OR51B5: variants seen among roughly 807,000 people sequenced by gnomAD.
OR51B5 encodes olfactory receptor family 51 subfamily B member 5.
For missense variants in OR51B5, 456 were observed against 374.6 expected, an observed-to-expected ratio of 1.22 and a Z score of -1.79; for synonymous variants, 186 against 144.8, an observed-to-expected ratio of 1.28 and a Z score of -2.04.
At chr11:5,357,119 C>T (rs554345613) in intron 1 of OR51B5, among the ~76,000 whole-genome samples, 1 of 152,004 alleles carries the variant, frequency 6.6e-6, no homozygotes, top group Non-Finnish European at 1.5e-5. Flanking sequence ...CAAATTCACA[C>T]ATAACAATAT....
chr11:5,343,490 A>AAT lies in OR51B5; in HGVS notation c.33_34dup (p.Leu12TyrfsTer2). ...TTCCTCCAAGCCTGGAAAACCAGTC[A>AAT]ATAGGAAGGGATGGGAGCTGCCGCT... On this transcript the variant is annotated frameshift_variant, in exon 1 of 1. Coordinates refer to ENST00000300773, the Ensembl canonical transcript of OR51B5. LOFTEE classifies it low-confidence loss of function (END_TRUNC). The AAT allele has an allele frequency of 4.6e-6, 6 of 1,313,112 alleles. No individual in the cohort carries two copies. In the South Asian group the frequency reaches 7.4e-5, roughly 16 times the overall value. The allele number at this position is 1,313,112 out of a possible 1,614,324, so 81.3% of individuals were successfully genotyped here. A position where few individuals can be genotyped will look rare whatever the true frequency, so the allele number is the denominator to read the frequency against.
chr11:5,356,185 A>AG (rs1439647842), intron 1 of OR51B5, among the ~76,000 whole-genome samples: 1 of 152,190 alleles, frequency 6.6e-6, no homozygotes, highest in Non-Finnish European at 1.5e-5. Flanking sequence ...TCCGAGCTAA[A>AG]GGAGGAAGCT....
intron 1 of OR51B5, among the ~76,000 whole-genome samples, chr11:5,398,231 C>T (rs1306594867): frequency 6.6e-6 from 1 of 152,076 alleles, no homozygotes; most frequent in East Asian, 1.9e-4. Flanking sequence ...AAGAAATTTA[C>T]ATATATTAGT....
intron 1 of OR51B5, among the ~76,000 whole-genome samples, chr11:5,500,841 A>G (rs1421056519): frequency 1.4e-5 from 2 of 148,002 alleles, no homozygotes; most frequent in East Asian, 2.0e-4. Flanking sequence ...GAATATGCCT[A>G]TGATCTGTCA....
chr11:5,379,507 GTTTAT>G (rs1849578715), intron 1 of OR51B5, among the ~76,000 whole-genome samples: 1 of 151,506 alleles, frequency 6.6e-6, no homozygotes, highest in African/African-American at 2.4e-5. Flanking sequence ...TAAAGTTCCA[GTTTAT>G]TTTTTCAGGT....
intron 1 of OR51B5, among the ~76,000 whole-genome samples, chr11:5,436,926 C>A (rs912653947): frequency 3.3e-5 from 5 of 152,098 alleles, no homozygotes; most frequent in Non-Finnish European, 7.4e-5. Context: ...CTAGAATGGA[C>A]CTCAGGTGGG....
At chr11:5,357,109 C>G (rs1849205779) in intron 1 of OR51B5, among the ~76,000 whole-genome samples, 1 of 151,978 alleles carries the variant, frequency 6.6e-6, no homozygotes, top group African/African-American at 2.4e-5. Context: ...ATGACAGGAT[C>G]AAATTCACAC....
intron 1 of OR51B5, among the ~76,000 whole-genome samples, chr11:5,375,794 C>G (rs572234874): frequency 2.0e-5 from 3 of 152,236 alleles, no homozygotes; most frequent in South Asian, 2.1e-4. Context: ...AATACAGGAG[C>G]ACCCAGATTC....
At chr11:5,482,507 G>A (rs1303153961) in intron 1 of OR51B5, among the ~76,000 whole-genome samples, 2 of 108,116 alleles carry the variant, frequency 1.8e-5, no homozygotes, top group African/African-American at 8.1e-5. Context: ...TTGACAAATG[G>A]GATCTAATTA....
At chr11:5,387,441 A>G (rs1849713215) in intron 1 of OR51B5, among the ~76,000 whole-genome samples, 1 of 152,146 alleles carries the variant, frequency 6.6e-6, no homozygotes, top group African/African-American at 2.4e-5. Flanking sequence ...AAGAAATGGA[A>G]AAGATAAATG....
chr11:5,415,963 G>C (rs1369277697), intron 1 of OR51B5, among the ~76,000 whole-genome samples: 2 of 144,696 alleles, frequency 1.4e-5, no homozygotes, highest in Non-Finnish European at 3.0e-5. Context: ...GCCGGGCAGA[G>C]ACACAACCAA....
chr11:5,421,139 C>T (rs1381712468), intron 1 of OR51B5, among the ~76,000 whole-genome samples: 1 of 152,242 alleles, frequency 6.6e-6, no homozygotes, highest in Admixed American at 6.5e-5. Context: ...ACACCAGGGG[C>T]AGCAAAGGCT....
At chr11:5,481,126 C>A (rs1275065945) in intron 1 of OR51B5, among the ~76,000 whole-genome samples, 2 of 59,358 alleles carry the variant, frequency 3.4e-5, no homozygotes, top group East Asian at 9.2e-4. Flanking sequence ...ACTGGCAAAA[C>A]GAATCCAGCA....
At chr11:5,364,177 G>A (rs572762558) in intron 1 of OR51B5, among the ~76,000 whole-genome samples, 6 of 152,230 alleles carry the variant, frequency 3.9e-5, no homozygotes, top group African/African-American at 1.4e-4. Flanking sequence ...CCACCTAAGG[G>A]CAAAATATTT....
chr11:5,419,444 G>GA (rs916259000), intron 1 of OR51B5, among the ~76,000 whole-genome samples: 7 of 150,902 alleles, frequency 4.6e-5, no homozygotes, highest in Admixed American at 1.3e-4. Flanking sequence ...AAAAGTATTG[G>GA]AAAAAAAACT....
intron 1 of OR51B5, among the ~76,000 whole-genome samples, chr11:5,376,357 G>A (rs773721354): frequency 6.1e-4 from 93 of 152,226 alleles, no homozygotes; most frequent in Non-Finnish European, 1.2e-3. Context: ...ACAAGAGAAA[G>A]CAAGAAAGAT....
At chr11:5,343,051 G>A (rs1848924959) in exon 1 of OR51B5, 4 of 1,613,434 alleles carry the variant, frequency 2.5e-6, no homozygotes, top group African/African-American at 1.3e-5. Flanking sequence ...AGAGGGGCCT[G>A]ATTGGGGGAA....
chr11:5,434,682 G>A (rs1850570226), intron 1 of OR51B5, among the ~76,000 whole-genome samples: 1 of 152,152 alleles, frequency 6.6e-6, no homozygotes. Flanking sequence ...CAACGTCAAG[G>A]AGACCATAGC....
intron 1 of OR51B5, among the ~76,000 whole-genome samples, chr11:5,502,012 CCTTT>C (rs1846299884): frequency 6.6e-6 from 1 of 152,034 alleles, no homozygotes; most frequent in South Asian, 2.1e-4. Flanking sequence ...TGAATTTCTC[CCTTT>C]CTTTAATCTT....
Sources: gnomAD v4.1 joint callset for allele counts (sites outside exome capture counted in the v4.1 genomes callset) on GRCh38, gnomAD v4.1.1 for gene constraint, MANE v1.5 for transcripts, NCBI Gene and HGNC (gene_info 2026-07-23, HGNC 2026-07-21) for gene names.